The following ZNF892 variants were observed in gnomAD, a reference collection of about 807,000 sequenced individuals.
ZNF892 encodes zinc finger protein 892.
chr2:95,211,914 T>C, the ZNF892 span, among the ~76,000 whole-genome samples: 2 of 152,258 alleles, frequency 1.3e-5, no homozygotes, highest in Non-Finnish European at 2.9e-5. Context: ...CTTTATTTTA[T>C]GGACTTGTAG....
At chr2:95,236,022 T>C in the ZNF892 span, among the ~76,000 whole-genome samples, 2 of 152,142 alleles carry the variant, frequency 1.3e-5, no homozygotes, top group African/African-American at 4.8e-5. Flanking sequence ...GAAGTAGCCT[T>C]CTTTATTCAC....
At chr2:95,261,319 G>A in the ZNF892 span, among the ~76,000 whole-genome samples, 21 of 149,836 alleles carry the variant, frequency 1.4e-4, no homozygotes, top group East Asian at 2.7e-3. Flanking sequence ...TTTGAGACAC[G>A]GTTTTGCTCT....
At chr2:95,247,265 C>T in the ZNF892 span, among the ~76,000 whole-genome samples, 1 of 152,146 alleles carries the variant, frequency 6.6e-6, no homozygotes. Context: ...GGAAAGGACT[C>T]CCTATTCAAT....
At chr2:95,251,761 C>CA in the ZNF892 span, among the ~76,000 whole-genome samples, 12 of 152,194 alleles carry the variant, frequency 7.9e-5, no homozygotes. Flanking sequence ...GGTTACAAAG[C>CA]AAAACTCTTA....
At chr2:95,207,559 C>T in the ZNF892 span, 2 of 369,450 alleles carry the variant, frequency 5.4e-6, no homozygotes, top group Non-Finnish European at 4.8e-6. Flanking sequence ...GGCGTCCCCG[C>T]CGGCTGTTAG....
chr2:95,258,631 G>A, the ZNF892 span, among the ~76,000 whole-genome samples: 1 of 152,132 alleles, frequency 6.6e-6, no homozygotes, highest in African/African-American at 2.4e-5. Flanking sequence ...TGAAAAAGTG[G>A]AACCTTTGAA....
chr2:95,253,369 G>A, the ZNF892 span, among the ~76,000 whole-genome samples: 5 of 152,264 alleles, frequency 3.3e-5, no homozygotes, highest in Non-Finnish European at 7.4e-5. Context: ...GTTTCTGTCA[G>A]GTTTGTCAAA....
chr2:95,231,629 A>C, the ZNF892 span, among the ~76,000 whole-genome samples: 13 of 152,350 alleles, frequency 8.5e-5, no homozygotes, highest in East Asian at 2.3e-3. Context: ...GCCTAGCAAA[A>C]GCTTGAAGTT....
the ZNF892 span, among the ~76,000 whole-genome samples, chr2:95,231,604 A>G: frequency 1.3e-5 from 2 of 152,240 alleles, no homozygotes; most frequent in Admixed American, 6.5e-5. Context: ...AAAAGGAAGG[A>G]CAGAAATATT....
At chr2:95,207,572 G>C in the ZNF892 span, 4 of 380,064 alleles carry the variant, frequency 1.1e-5, no homozygotes, top group Non-Finnish European at 1.9e-5. Flanking sequence ...GCTGTTAGAT[G>C]CCTTTGTCGT....
At chr2:95,206,592 G>A in the ZNF892 span, among the ~76,000 whole-genome samples, 1 of 152,224 alleles carries the variant, frequency 6.6e-6, no homozygotes, top group Non-Finnish European at 1.5e-5. Context: ...GGTACCAGGT[G>A]CAAGGCTTTA....
At chr2:95,220,737 T>C in the ZNF892 span, among the ~76,000 whole-genome samples, 1 of 152,186 alleles carries the variant, frequency 6.6e-6, no homozygotes, top group South Asian at 2.1e-4. Context: ...ATTTGATAGG[T>C]AGAAACTATC....
At chr2:95,259,556 A>G in the ZNF892 span, 4 of 152,366 alleles carry the variant, frequency 2.6e-5, no homozygotes, top group East Asian at 7.7e-4. Flanking sequence ...CCCTGAGCCA[A>G]CTACAATGGA....
At chr2:95,237,405 C>T in the ZNF892 span, among the ~76,000 whole-genome samples, 1 of 152,086 alleles carries the variant, frequency 6.6e-6, no homozygotes, top group Non-Finnish European at 1.5e-5. Flanking sequence ...ATTATTGTAG[C>T]TGTTTGGGAG....
chr2:95,228,705 C>T, the ZNF892 span, among the ~76,000 whole-genome samples: 3 of 152,282 alleles, frequency 2.0e-5, no homozygotes, highest in Non-Finnish European at 4.4e-5. Flanking sequence ...ATTCCTCCCA[C>T]ATTTAGTGCA....
At chr2:95,230,971 T>A in the ZNF892 span, among the ~76,000 whole-genome samples, 3 of 152,146 alleles carry the variant, frequency 2.0e-5, no homozygotes, top group African/African-American at 7.2e-5. Flanking sequence ...TAAAAAAATA[T>A]AAGGAAGGTC....
the ZNF892 span, among the ~76,000 whole-genome samples, chr2:95,235,429 T>G: frequency 6.6e-6 from 1 of 150,934 alleles, no homozygotes; most frequent in South Asian, 2.1e-4. Context: ...TGGCGCAATC[T>G]CGGCTCACTG....
the ZNF892 span, among the ~76,000 whole-genome samples, chr2:95,242,997 G>A: frequency 1.3e-5 from 2 of 152,188 alleles, no homozygotes; most frequent in East Asian, 1.9e-4. Flanking sequence ...TTGCAGGCGC[G>A]CGCCGCCACG....
chr2:95,214,864 A>G, the ZNF892 span: 4 of 504,586 alleles, frequency 7.9e-6, no homozygotes, highest in South Asian at 5.1e-5. Flanking sequence ...GAGAAACCCT[A>G]TGAATGTCAT....
Sources: allele counts gnomAD v4.1 joint callset (sites outside exome capture counted in the v4.1 genomes callset), GRCh38; gene constraint gnomAD v4.1.1; transcripts MANE v1.5; gene names NCBI Gene and HGNC (gene_info 2026-07-23, HGNC 2026-07-21).